Variants in SYNE1 observed in about 807,000 individuals in gnomAD.
SYNE1 encodes the protein spectrin repeat containing nuclear envelope protein 1, also known as nesprin-1.
Under a neutral mutation model 1,111.0 loss-of-function variants are expected in SYNE1, and 616 were observed. That is an observed-to-expected ratio of 0.55 (90% CI 0.52 to 0.59). The LOEUF is 0.59. Ranked by LOEUF, SYNE1 falls within the 20% of genes least tolerant of loss-of-function variation. SYNE1 has a pLI of 0.00. For missense variants in SYNE1, 10,006 were observed against 10,417.0 expected, an observed-to-expected ratio of 0.96 and a Z score of 1.72; for synonymous variants, 3,855 against 3,825.8, an observed-to-expected ratio of 1.01 and a Z score of -0.28.
rs2081319000 is a variant in SYNE1, at chr6:152,225,302, C to CGT, written c.21351+418_21351+419insAC. On this transcript the variant is annotated intron_variant, in intron 116 of 145. Coordinates refer to ENST00000367255, the MANE Select transcript of SYNE1 (RefSeq NM_182961.4). ...GCAAACACACACACACACACACACACGCACACACACACACACACTCAGATA... is the reference window on the plus strand; with the variant it reads ...GCAAACACACACACACACACACACACGTGCACACACACACACACACTCAGATA... Among the ~76,000 whole-genome samples, 8 of 103,742 alleles carry CGT rather than the reference C, an allele frequency of 7.7e-5. No individual in the cohort carries two copies. The South Asian group carries it at 2.0e-3, about 26-fold the overall frequency. 68.1% of individuals were successfully genotyped at this position (103,742 alleles called of 152,430 possible).
Position 152,293,751 on chromosome 6 carries a change from T to C in SYNE1, c.17851-2A>G. 6.2e-7 allele frequency: 1 copy of C among 1,614,124 alleles called. No individual in the cohort carries two copies. The highest frequency in any genetic ancestry group is 8.5e-7 in the Non-Finnish European group (1 of 1,180,034). On this transcript the variant is annotated splice_acceptor_variant, in intron 94 of 145. Transcript: ENST00000367255. LOFTEE classifies it high-confidence loss of function. ...GAGTGTGCGCTGCTTCTCACTGATC[T>C]ACACCAGAAAAGGGATATTACCAAA...
chr6:152,164,488 G>A (rs1035153452), intron 130 of SYNE1, among the ~76,000 whole-genome samples, 163 bp from the exon 131 acceptor site: 5 of 152,214 alleles, frequency 3.3e-5, no homozygotes, highest in African/African-American at 1.2e-4. Context: ...AGAAATTAGA[G>A]ATGAATACAG....
In SYNE1 at chr6:152,373,153, G is replaced by C; in HGVS notation, c.9391C>G (p.Leu3131Val). The change falls in exon 59 of 146, where the codon CTG becomes GTG. Residue 3131 changes from leucine to valine, a missense_variant. Around this residue, in one of 7 missense-constraint regions of SYNE1, gnomAD observed 4,955 missense variants for 5,017.2 expected, o/e 0.99. Coordinates refer to ENST00000367255, the MANE Select transcript of SYNE1 (RefSeq NM_182961.4). ...LNMMLSKGEL[L>V]STLLTKEKAK... Reference sequence around the variant, plus strand: ...TTCTCTTTGGTCAGCAGGGTACTCAGAAGTTCCCCTTTAGACAGCATCATG... The same window carrying C: ...TTCTCTTTGGTCAGCAGGGTACTCACAAGTTCCCCTTTAGACAGCATCATG... 1 of 1,614,030 alleles carries C rather than the reference G, an allele frequency of 6.2e-7. No homozygotes were observed. Among genetic ancestry groups the C allele is most frequent in the Non-Finnish European group, 8.5e-7 (1 of 1,180,032 alleles).
At chr6:152,166,431 C>G (rs978481157) in intron 130 of SYNE1, among the ~76,000 whole-genome samples, 2 of 152,138 alleles carry the variant, frequency 1.3e-5, no homozygotes, top group East Asian at 1.9e-4. Flanking sequence ...TCAACATTTG[C>G]CAGTGCTCTA....
intron 123 of SYNE1, among the ~76,000 whole-genome samples, chr6:152,212,667 T>C (rs561870035): frequency 1.5e-4 from 23 of 152,306 alleles, no homozygotes; most frequent in African/African-American, 5.3e-4. Context: ...TTCTGGGTTA[T>C]ATGATTACTC....
chr6:152,606,976 C>CTTTTTTTTTTTTTTTTTTTTT (rs11387272), intron 3 of SYNE1, among the ~76,000 whole-genome samples: 3 of 109,138 alleles, frequency 2.7e-5, no homozygotes, highest in Admixed American at 1.1e-4. Flanking sequence ...TGCCTCGGTT[C>CTTTTTTTTTTTTTTTTTTTTT]TCTTTTTTTT....
chr6:152,569,255 T>C (rs1213491834), intron 3 of SYNE1, among the ~76,000 whole-genome samples: 1 of 152,184 alleles, frequency 6.6e-6, no homozygotes, highest in Non-Finnish European at 1.5e-5. Flanking sequence ...GATCATAAGC[T>C]GTAGAAAATT....
intron 97 of SYNE1, among the ~76,000 whole-genome samples, chr6:152,279,502 GCT>G (rs2153715032): frequency 6.6e-6 from 1 of 151,860 alleles, no homozygotes; most frequent in South Asian, 2.1e-4. Context: ...GATCGCTTGA[GCT>G]CAGGAGTTTG....
intron 121 of SYNE1, 151 bp downstream of exon 121, chr6:152,218,106 C>A: frequency 1.1e-6 from 1 of 870,574 alleles, no homozygotes; most frequent in East Asian, 2.5e-5. Flanking sequence ...GAGGCAGAAT[C>A]GCTTGAACCC....
At chr6:152,300,517 A>G (rs1242643645) in intron 93 of SYNE1, 124 bp downstream of exon 93, 1 of 1,327,602 alleles carries the variant, frequency 7.5e-7, no homozygotes, top group Non-Finnish European at 1.1e-6. Context: ...AACACCTAAT[A>G]GTGTGTCCCT....
At chr6:152,443,758 A>G (rs1196622206) in intron 30 of SYNE1, among the ~76,000 whole-genome samples, 1 of 152,226 alleles carries the variant, frequency 6.6e-6, no homozygotes, top group East Asian at 1.9e-4. Flanking sequence ...TTTCATTAAA[A>G]TATTTTATTT....
intron 12 of SYNE1, among the ~76,000 whole-genome samples, chr6:152,485,749 C>T (rs2098935638): frequency 6.6e-6 from 1 of 151,728 alleles, no homozygotes; most frequent in South Asian, 2.1e-4. Flanking sequence ...GGAGAATGGC[C>T]CCACAAAAGT....
At chr6:152,628,618 A>T (rs745683793) in intron 2 of SYNE1, 64 bp from the exon 3 acceptor site, 2 of 407,796 alleles carry the variant, frequency 4.9e-6, no homozygotes, top group Non-Finnish European at 8.8e-6. Flanking sequence ...CCACAGTGCT[A>T]AAAGGAGAAA....
At chr6:152,214,843 A>C in intron 122 of SYNE1, 63 bp downstream of exon 122, 1 of 1,588,586 alleles carries the variant, frequency 6.3e-7, no homozygotes, top group Non-Finnish European at 8.6e-7. Flanking sequence ...TAGTATTTTG[A>C]CATAGCGGCA....
At chr6:152,157,530 T>C (rs768337795) in intron 131 of SYNE1, among the ~76,000 whole-genome samples, 30 of 152,180 alleles carry the variant, frequency 2.0e-4, no homozygotes, top group Non-Finnish European at 3.2e-4. Flanking sequence ...TTAACAACAA[T>C]GTACTGCATA....
At chr6:152,371,659 G>A (rs1304135301) in intron 59 of SYNE1, among the ~76,000 whole-genome samples, 3 of 84,810 alleles carry the variant, frequency 3.5e-5, no homozygotes, top group African/African-American at 9.8e-5. Flanking sequence ...GGAAGAGGAA[G>A]GCAGAGAGAG....
chr6:152,325,697 CAA>C (rs1204728464), intron 80 of SYNE1, among the ~76,000 whole-genome samples: 1 of 152,090 alleles, frequency 6.6e-6, no homozygotes, highest in Non-Finnish European at 1.5e-5. Context: ...CTGTTATCAA[CAA>C]AAAGTATTCA....
chr6:152,537,224 A>G (rs537329633), intron 4 of SYNE1, among the ~76,000 whole-genome samples: 2 of 152,266 alleles, frequency 1.3e-5, no homozygotes, highest in African/African-American at 2.4e-5. Context: ...TGTTAATGTT[A>G]TATCAACAAT....
chr6:152,231,143 G>C (rs1053847670), intron 114 of SYNE1, among the ~76,000 whole-genome samples: 30 of 152,216 alleles, frequency 2.0e-4, no homozygotes, highest in African/African-American at 7.2e-4. Flanking sequence ...TTGAAGCAAA[G>C]GCAAAATAAA....
Sources: allele counts gnomAD v4.1 joint callset (sites outside exome capture counted in the v4.1 genomes callset), GRCh38; gene constraint gnomAD v4.1.1; regional missense constraint gnomAD v4.1.1; transcripts MANE v1.5; gene names NCBI Gene and HGNC (gene_info 2026-07-23, HGNC 2026-07-21).